MECR: variants seen among roughly 807,000 people sequenced by gnomAD.
MECR encodes the protein enoyl-[acyl-carrier-protein] reductase, mitochondrial.
Under a neutral mutation model 49.1 loss-of-function variants are expected in MECR, and 37 were observed. The ratio of observed to expected loss-of-function variants is 0.75; its 90% CI spans 0.58 to 0.99. MECR has a LOEUF of 0.99. Ranked by LOEUF, MECR falls within the 50% of genes least tolerant of loss-of-function variation. The pLI, the probability that MECR is intolerant of heterozygous loss-of-function variation, is 0.00. For missense variants in MECR, 470 were observed against 479.6 expected (o/e 0.98, Z 0.19); for synonymous variants, 198 against 191.1 (o/e 1.04, Z -0.30).
chr1:29,206,736 T>C, intron 4 of MECR, 26 bp downstream of exon 4: 1 of 1,613,016 alleles, frequency 6.2e-7, no homozygotes, highest in South Asian at 1.1e-5. Flanking sequence ...GACCCTGGCC[T>C]GCTCCCCCAA....
At chr1:29,177,674 G>C in the MECR span, among the ~76,000 whole-genome samples, 12 of 152,066 alleles carry the variant, frequency 7.9e-5, no homozygotes, top group African/African-American at 2.4e-4. Flanking sequence ...GGAGATCTTC[G>C]TTGTATTTGT....
chr1:29,177,093 C>A, the MECR span, among the ~76,000 whole-genome samples: 1 of 152,136 alleles, frequency 6.6e-6, no homozygotes, highest in African/African-American at 2.4e-5. Context: ...AAAAGGGCAA[C>A]TAGTGTACTC....
Position 29,206,999 on chromosome 1 carries a change from G to A in MECR, c.407-94C>T. 3.5e-6 allele frequency: 5 copies of A among 1,410,388 alleles called. No homozygotes were observed. In the South Asian group the frequency reaches 6.5e-5, roughly 18 times the overall value. 87.4% of individuals were successfully genotyped at this position (1,410,388 alleles called of 1,614,324 possible). On this transcript the variant is annotated intron_variant, in intron 3 of 9. Transcript: ENST00000263702. Reference sequence around the variant, plus strand: ...CCTTGGCCAAGAAGCATCCAGGATAGTGGGTAGCATCCACTGGAAGCATCC... The same window carrying A: ...CCTTGGCCAAGAAGCATCCAGGATAATGGGTAGCATCCACTGGAAGCATCC...
chr1:29,172,098 AT>A, the MECR span: 3 of 152,158 alleles, frequency 2.0e-5, no homozygotes, highest in Non-Finnish European at 2.9e-5. Flanking sequence ...GGGGAAAAAA[AT>A]AATACACTTT....
intron 3 of MECR, among the ~76,000 whole-genome samples, chr1:29,212,722 C>T (rs138163566): frequency 6.6e-6 from 1 of 152,306 alleles, no homozygotes; most frequent in Non-Finnish European, 1.5e-5. Context: ...CCAATGGTTT[C>T]CAGACCATTC....
downstream of MECR, among the ~76,000 whole-genome samples, chr1:29,188,703 G>A (rs922510540): frequency 2.7e-5 from 4 of 150,440 alleles, no homozygotes; most frequent in African/African-American, 4.9e-5. Context: ...GCTATGGCGC[G>A]ATCTTGGCTC....
chr1:29,192,447 C>T (rs916287623), downstream of MECR, among the ~76,000 whole-genome samples: 5 of 152,180 alleles, frequency 3.3e-5, no homozygotes, highest in Admixed American at 3.3e-4. Flanking sequence ...TGTGTCCTCT[C>T]AAGGCCCTCT....
chr1:29,230,504 C>T lies in MECR; in HGVS notation c.176+227G>A, dbSNP rs1053738498. ...ACAAGGGATTGCCTGACACAATATT[C>T]GATCAATAAACATCAGCCATTAATA... On this transcript the variant is annotated intron_variant, in intron 1 of 9. Coordinates refer to ENST00000263702, the MANE Select transcript of MECR (RefSeq NM_016011.5). 7.4e-6 allele frequency: 4 copies of T among 540,204 alleles called. No individual in the cohort carries two copies. The Admixed American group carries it at 1.1e-4, about 15-fold the overall frequency. The allele number at this position is 540,204 out of a possible 1,614,324, so 33.5% of individuals were successfully genotyped here.
chr1:29,196,044 TGAGGG>T, intron 8 of MECR, 31 bp from the exon 9 acceptor site: 1 of 1,613,190 alleles, frequency 6.2e-7, no homozygotes, highest in Non-Finnish European at 8.5e-7. Flanking sequence ...TGCTGGGCTC[TGAGGG>T]CAAGAACTTC....
the MECR span, chr1:29,170,793 C>T: frequency 1.3e-5 from 2 of 152,096 alleles, no homozygotes; most frequent in Non-Finnish European, 2.9e-5. Context: ...TGAATTCAAA[C>T]CTCCCTCTTT....
chr1:29,168,219 C>T, the MECR span, among the ~76,000 whole-genome samples: 1 of 142,254 alleles, frequency 7.0e-6, no homozygotes, highest in Non-Finnish European at 1.5e-5. Context: ...TTAGGAGAGA[C>T]AGGGTTTCAC....
the MECR span, among the ~76,000 whole-genome samples, chr1:29,183,381 T>A: frequency 1.3e-5 from 2 of 148,320 alleles, no homozygotes; most frequent in African/African-American, 5.3e-5. Context: ...AACTTTGCAT[T>A]TCTCTCTCTC....
At chr1:29,167,807 A>G in the MECR span, among the ~76,000 whole-genome samples, 8 of 152,242 alleles carry the variant, frequency 5.3e-5, no homozygotes, top group African/African-American at 1.7e-4. Context: ...TGCCTGGCAC[A>G]GTAAATAATT....
rs140504683 is a variant in MECR at position 29,194,142 on chromosome 1, G to T, written c.1002C>A (p.Leu334=). ...GGGCTGTGAGCTGGCCTCGGCGGATGAGATCGCACAGTGTGAGGATCAGCT... is the reference window on the plus strand; with the variant it reads ...GGGCTGTGAGCTGGCCTCGGCGGATTAGATCGCACAGTGTGAGGATCAGCT... ...FKELILTLCD[L]IRRGQLTAPA... The change falls in exon 10 of 10, where the codon CTC becomes CTA. Residue 334 remains leucine (L), a synonymous_variant. Coordinates refer to ENST00000263702, the MANE Select transcript of MECR (RefSeq NM_016011.5). 1,169 of 1,613,664 alleles carry T rather than the reference G, an allele frequency of 7.2e-4. 3 individuals are homozygous for T. The highest frequency in any genetic ancestry group is 9.1e-4 in the Non-Finnish European group (1,073 of 1,179,762).
At chr1:29,191,522 C>T (rs897381440), downstream of MECR, among the ~76,000 whole-genome samples, 1 of 152,190 alleles carries the variant, frequency 6.6e-6, no homozygotes, top group Non-Finnish European at 1.5e-5. Flanking sequence ...CTTAATTTTA[C>T]TCCTGTGGCC....
the MECR span, chr1:29,181,630 C>G: frequency 6.3e-7 from 1 of 1,576,588 alleles, no homozygotes; most frequent in Admixed American, 1.8e-5. Context: ...GCCGGACCCT[C>G]TTTCGCCCTC....
At chr1:29,176,489 TA>T in the MECR span, among the ~76,000 whole-genome samples, 53,716 of 137,432 alleles carry the variant, frequency 0.39, 10,627 homozygotes, top group African/African-American at 0.54. Context: ...CTAAAAACTT[TA>T]AAAAAAAAAA....
At chr1:29,198,309 G>A (rs1674499298) in intron 7 of MECR, among the ~76,000 whole-genome samples, 1 of 152,166 alleles carries the variant, frequency 6.6e-6, no homozygotes, top group Admixed American at 6.6e-5. Context: ...AGAGGCAGAG[G>A]GTTTATATAA....
chr1:29,178,362 T>TTTTTTTTTTC, the MECR span, among the ~76,000 whole-genome samples: 2 of 150,368 alleles, frequency 1.3e-5, no homozygotes, highest in Non-Finnish European at 3.0e-5. Context: ...ACTTTTTTTT[T>TTTTTTTTTTC]TGAGACAGAG....
Sources: allele counts gnomAD v4.1 joint callset (sites outside exome capture counted in the v4.1 genomes callset), GRCh38; gene constraint gnomAD v4.1.1; transcripts MANE v1.5; gene names NCBI Gene and HGNC (gene_info 2026-07-23, HGNC 2026-07-21).